Variants in GYPC observed in about 807,000 individuals in gnomAD.
GYPC encodes the protein glycophorin-C.
A neutral mutation model predicts 12.6 loss-of-function variants in GYPC; 14 were observed. The ratio of observed to expected loss-of-function variants is 1.11; its 90% CI spans 0.74 to 1.74. The LOEUF (loss-of-function observed/expected upper bound fraction) is 1.74, where lower values mean the gene tolerates loss of function less well. Ranked by LOEUF, GYPC falls within the 40% of genes most tolerant of loss-of-function variation. The pLI, the probability that GYPC is intolerant of heterozygous loss-of-function variation, is 0.00. For missense variants in GYPC, 225 were observed against 172.1 expected (o/e 1.31, Z -1.72); for synonymous variants, 78 against 62.1 (o/e 1.26, Z -1.20).
intron 1 of GYPC, among the ~76,000 whole-genome samples, chr2:126,666,882 G>C (rs1682698328): frequency 6.6e-6 from 1 of 152,176 alleles, no homozygotes; most frequent in Non-Finnish European, 1.5e-5. Flanking sequence ...GTTCGGGACA[G>C]GGCAGACAGG....
rs539854753 is a variant in GYPC at position 126,696,421 on chromosome 2, C to T, written c.*279C>T. On this transcript the variant is annotated 3_prime_UTR_variant, in exon 4 of 4. Coordinates refer to ENST00000259254, the MANE Select transcript of GYPC (RefSeq NM_002101.5). ...GGAGAAAATCTGGGCACATGGGGCC[C>T]CCTGGGCAGTGCAGGACAACATCAG... The T allele has an allele frequency of 1.1e-3, 506 of 455,738 alleles. 9 individuals carry two copies. Among genetic ancestry groups the T allele is most frequent in the South Asian group, 9.1e-3 (446 of 48,974 alleles). The allele number at this position is 455,738 out of a possible 1,614,324, so 28.2% of individuals were successfully genotyped here. A position where few individuals can be genotyped will look rare whatever the true frequency, so the allele number is the denominator to read the frequency against.
intron 1 of GYPC, among the ~76,000 whole-genome samples, chr2:126,677,503 G>A (rs1466089945): frequency 8.9e-6 from 1 of 112,368 alleles, no homozygotes; most frequent in African/African-American, 4.6e-5. Flanking sequence ...GTGTGTGTAT[G>A]AGAGTGTGTG....
At chr2:126,681,434 A>C (rs535928776) in intron 1 of GYPC, among the ~76,000 whole-genome samples, 8 of 152,094 alleles carry the variant, frequency 5.3e-5, no homozygotes, top group African/African-American at 1.9e-4. Flanking sequence ...CTGCATTACC[A>C]TCTACTTTCC....
intron 1 of GYPC, among the ~76,000 whole-genome samples, chr2:126,668,221 A>G (rs1252004324): frequency 6.6e-6 from 1 of 152,234 alleles, no homozygotes; most frequent in Non-Finnish European, 1.5e-5. Context: ...AGCAGTGGCA[A>G]TTTTATAAAA....
At chr2:126,677,666 G>A (rs1162282291) in intron 1 of GYPC, among the ~76,000 whole-genome samples, 1 of 152,078 alleles carries the variant, frequency 6.6e-6, no homozygotes, top group East Asian at 1.9e-4. Flanking sequence ...GCCACACTCA[G>A]TGCTGCTTTG....
chr2:126,690,346 A>G, intron 2 of GYPC, 35 bp downstream of exon 2: 1 of 1,490,168 alleles, frequency 6.7e-7, no homozygotes, highest in Non-Finnish European at 9.4e-7. Context: ...CCATAATGGA[A>G]ACTGCCGTGA....
At chr2:126,684,991 C>G (rs1275815904) in intron 1 of GYPC, among the ~76,000 whole-genome samples, 1 of 152,208 alleles carries the variant, frequency 6.6e-6, no homozygotes, top group Admixed American at 6.5e-5. Flanking sequence ...TTAGCCAACA[C>G]TGGCTGGCTT....
At chr2:126,677,380 T>C (rs771578291) in intron 1 of GYPC, among the ~76,000 whole-genome samples, 1 of 151,338 alleles carries the variant, frequency 6.6e-6, no homozygotes, top group Non-Finnish European at 1.5e-5. Flanking sequence ...AGTAGGAGTG[T>C]GAGTGTGTTT....
At chr2:126,679,553 C>A (rs1190433792) in intron 1 of GYPC, 2 of 152,112 alleles carry the variant, frequency 1.3e-5, no homozygotes, top group Non-Finnish European at 2.9e-5. Context: ...AGCAAAAAAA[C>A]ACAGTCAGTG....
chr2:126,667,213 G>T (rs2104776324), intron 1 of GYPC, among the ~76,000 whole-genome samples: 1 of 152,202 alleles, frequency 6.6e-6, no homozygotes, highest in South Asian at 2.1e-4. Flanking sequence ...AGGCTGTTTT[G>T]CTTATTTTTG....
At chr2:126,674,767 G>A (rs1416401226) in intron 1 of GYPC, among the ~76,000 whole-genome samples, 1 of 152,132 alleles carries the variant, frequency 6.6e-6, no homozygotes, top group Admixed American at 6.5e-5. Context: ...CTGGCTGGAG[G>A]GGTTCACCCC....
At chr2:126,687,722 G>A (rs937454048) in intron 1 of GYPC, among the ~76,000 whole-genome samples, 2 of 152,360 alleles carry the variant, frequency 1.3e-5, no homozygotes, top group African/African-American at 4.8e-5. Context: ...GGGAGGCCCA[G>A]CTGGCAATCC....
rs1177825870 is a variant in GYPC, at chr2:126,661,430, AGCCAGAT to A, written c.49+5122_49+5128del. On this transcript the variant is annotated intron_variant, in intron 1 of 3. Coordinates refer to ENST00000259254, the MANE Select transcript of GYPC (RefSeq NM_002101.5). ...TCCTGCTTCTGCTTATGCATGTGAA[AGCCAGAT>A]GCCCCTTCTCTCTCTCTCTTTTTTT... 3.3e-5 allele frequency among the ~76,000 whole-genome samples: 5 copies of A among 150,900 alleles called. No individual in the cohort carries two copies. In the East Asian group the frequency reaches 5.8e-4, roughly 18 times the overall value.
At chr2:126,690,204 G>A (rs1298481352) in intron 1 of GYPC, 51 bp from the exon 2 acceptor site, 1 of 1,360,532 alleles carries the variant, frequency 7.4e-7, no homozygotes, top group African/African-American at 1.4e-5. Flanking sequence ...GGTGCTGCTA[G>A]GCATGGAGAG....
At position 126,692,438 on chromosome 2, in the gene GYPC, G is replaced by A. The variant is rs544232356; in HGVS notation, c.107-1426G>A. On this transcript the variant is annotated intron_variant, in intron 2 of 3. Coordinates refer to ENST00000259254, the MANE Select transcript of GYPC (RefSeq NM_002101.5). ...AGAGGCATCTGGCAGCTGCACTGGG[G>A]AGAATGACCTCATAGCACTATAATT... Among the ~76,000 whole-genome samples the A allele has an allele frequency of 3.9e-5, 6 of 152,270 alleles. No homozygotes were observed. The East Asian group carries it at 1.2e-3, about 29-fold the overall frequency.
intron 1 of GYPC, among the ~76,000 whole-genome samples, chr2:126,678,096 C>A (rs966283037): frequency 1.4e-4 from 21 of 152,110 alleles, no homozygotes; most frequent in Non-Finnish European, 2.5e-4. Context: ...GTGGCACGCA[C>A]CTGTAATCCC....
intron 1 of GYPC, chr2:126,675,845 A>T (rs548413045): frequency 4.7e-6 from 1 of 213,592 alleles, no homozygotes; most frequent in Non-Finnish European, 8.0e-6. Flanking sequence ...TAAGCTAATG[A>T]TATGTACTGG....
At chr2:126,691,739 C>A (rs1298258773) in intron 2 of GYPC, among the ~76,000 whole-genome samples, 4 of 152,112 alleles carry the variant, frequency 2.6e-5, no homozygotes, top group Non-Finnish European at 4.4e-5. Context: ...AATGTTGAGA[C>A]CTGCACCTGG....
intron 1 of GYPC, among the ~76,000 whole-genome samples, chr2:126,665,802 C>T (rs1682663240): frequency 6.6e-6 from 1 of 152,230 alleles, no homozygotes; most frequent in South Asian, 2.1e-4. Flanking sequence ...GAAGGCATCA[C>T]ACAGATGCAG....
Sources: allele counts gnomAD v4.1 joint callset (sites outside exome capture counted in the v4.1 genomes callset), GRCh38; gene constraint gnomAD v4.1.1; transcripts MANE v1.5; gene names NCBI Gene and HGNC (gene_info 2026-07-23, HGNC 2026-07-21).